AKAP19: variants seen among roughly 807,000 people sequenced by gnomAD.
AKAP19 encodes the protein small A-kinase anchoring protein.
the AKAP19 span, chr2:190,150,318 A>C: frequency 1.3e-5 from 2 of 150,668 alleles, no homozygotes; most frequent in Admixed American, 6.6e-5. Flanking sequence ...TCCTCTGGTC[A>C]CCCTCCTGAT....
At chr2:189,944,367 C>T in the AKAP19 span, among the ~76,000 whole-genome samples, 5 of 152,128 alleles carry the variant, frequency 3.3e-5, no homozygotes, top group African/African-American at 1.2e-4. Context: ...CGTTTGCCTT[C>T]CACTATGTTT....
chr2:190,117,606 C>A, the AKAP19 span, among the ~76,000 whole-genome samples: 2 of 152,188 alleles, frequency 1.3e-5, no homozygotes, highest in African/African-American at 4.8e-5. Flanking sequence ...TCTTCCAATG[C>A]CCATCACCCA....
the AKAP19 span, among the ~76,000 whole-genome samples, chr2:189,997,546 G>A: frequency 1.3e-5 from 2 of 152,130 alleles, no homozygotes; most frequent in Admixed American, 6.5e-5. Flanking sequence ...CTAGGGAAGT[G>A]GAGGAAAGCC....
At chr2:190,119,231 A>T in the AKAP19 span, among the ~76,000 whole-genome samples, 1 of 152,204 alleles carries the variant, frequency 6.6e-6, no homozygotes, top group African/African-American at 2.4e-5. Context: ...CAAGAAAGAA[A>T]AGAGAAGGCA....
the AKAP19 span, among the ~76,000 whole-genome samples, chr2:189,952,932 G>A: frequency 1.3e-5 from 2 of 152,142 alleles, no homozygotes; most frequent in Admixed American, 1.3e-4. Context: ...CTGTAGTGAT[G>A]GAAAGGGGGA....
the AKAP19 span, chr2:189,930,739 C>T: frequency 1.5e-6 from 1 of 654,288 alleles, no homozygotes; most frequent in Middle Eastern, 2.6e-4. Context: ...ACAGATCACA[C>T]ACTCCCAGAT....
At chr2:190,049,277 C>T in the AKAP19 span, among the ~76,000 whole-genome samples, 1 of 151,924 alleles carries the variant, frequency 6.6e-6, no homozygotes, top group Non-Finnish European at 1.5e-5. Context: ...GAAGTACAAG[C>T]AATCCTTACT....
the AKAP19 span, among the ~76,000 whole-genome samples, chr2:190,122,256 A>G: frequency 6.6e-6 from 1 of 152,242 alleles, no homozygotes; most frequent in Non-Finnish European, 1.5e-5. Context: ...ATGAACAGGC[A>G]GAAGTCCATT....
chr2:190,032,408 G>T, the AKAP19 span, among the ~76,000 whole-genome samples: 6 of 152,254 alleles, frequency 3.9e-5, no homozygotes, highest in East Asian at 1.2e-3. Context: ...TGACCTGACA[G>T]GTGTTCAGGA....
At chr2:189,994,648 G>A in the AKAP19 span, among the ~76,000 whole-genome samples, 2 of 151,506 alleles carry the variant, frequency 1.3e-5, no homozygotes, top group African/African-American at 4.9e-5. Flanking sequence ...ACCCAAGCTG[G>A]AGTACAGTGG....
chr2:189,881,519 T>C, the AKAP19 span, among the ~76,000 whole-genome samples: 2 of 152,172 alleles, frequency 1.3e-5, no homozygotes, highest in African/African-American at 4.8e-5. Flanking sequence ...CTGGAAAATC[T>C]ATATAGGCCA....
At chr2:189,952,941 G>T in the AKAP19 span, among the ~76,000 whole-genome samples, 1 of 152,180 alleles carries the variant, frequency 6.6e-6, no homozygotes, top group African/African-American at 2.4e-5. Flanking sequence ...TGGAAAGGGG[G>T]AAGTGAGAAC....
chr2:189,904,614 G>A, the AKAP19 span, among the ~76,000 whole-genome samples: 687 of 152,022 alleles, frequency 4.5e-3, 6 homozygotes, highest in African/African-American at 0.016. Flanking sequence ...CACTTTTGTG[G>A]TAAGATATTT....
At chr2:190,168,266 G>A in the AKAP19 span, among the ~76,000 whole-genome samples, 1 of 152,126 alleles carries the variant, frequency 6.6e-6, no homozygotes, top group Non-Finnish European at 1.5e-5. Context: ...TGGCTGGAAC[G>A]CAGGGCACCA....
the AKAP19 span, among the ~76,000 whole-genome samples, chr2:190,014,494 A>G: frequency 6.6e-6 from 1 of 152,160 alleles, no homozygotes; most frequent in Non-Finnish European, 1.5e-5. Context: ...CCCTCCCTCA[A>G]CATGTGGGGA....
At chr2:190,031,005 T>C in the AKAP19 span, among the ~76,000 whole-genome samples, 1 of 152,186 alleles carries the variant, frequency 6.6e-6, no homozygotes, top group East Asian at 1.9e-4. Flanking sequence ...CACGGTTTGC[T>C]GGCTTGTGCA....
the AKAP19 span, among the ~76,000 whole-genome samples, chr2:190,094,060 T>G: frequency 2.0e-3 from 299 of 152,296 alleles, 2 homozygotes; most frequent in Admixed American, 6.7e-3. Context: ...GCAAGAGTGT[T>G]TATCCTCTCC....
chr2:189,932,368 A>G, the AKAP19 span, among the ~76,000 whole-genome samples: 5 of 146,888 alleles, frequency 3.4e-5, no homozygotes, highest in South Asian at 2.2e-4. Context: ...AGATCGCACC[A>G]TTGCACTCCA....
the AKAP19 span, among the ~76,000 whole-genome samples, chr2:190,148,387 A>T: frequency 6.6e-6 from 1 of 152,210 alleles, no homozygotes; most frequent in African/African-American, 2.4e-5. Context: ...TCTTTTTGAT[A>T]TGTTGCTGGA....
Sources: allele counts gnomAD v4.1 joint callset (sites outside exome capture counted in the v4.1 genomes callset), GRCh38; gene constraint gnomAD v4.1.1; transcripts MANE v1.5; gene names NCBI Gene and HGNC (gene_info 2026-07-23, HGNC 2026-07-21).